The following TDRD9 variants were observed in gnomAD, a reference collection of about 807,000 sequenced individuals.
TDRD9 encodes the protein ATP-dependent RNA helicase TDRD9.
In TDRD9, 124 loss-of-function variants were observed where a neutral mutation model predicts 172.6. The observed-to-expected ratio is 0.72, with a 90% CI of 0.62 to 0.83. The LOEUF (loss-of-function observed/expected upper bound fraction) is 0.83. TDRD9 is among the 40% of genes least tolerant of loss of function. The pLI, the probability that TDRD9 is intolerant of heterozygous loss-of-function variation, is 0.00. For synonymous variants in TDRD9, 619 were observed against 617.1 expected (o/e 1.00, Z -0.05); for missense variants, 1,479 against 1,714.1 (o/e 0.86, Z 2.42).
At chr14:103,929,592 TC>T (rs760599250) in intron 1 of TDRD9, among the ~76,000 whole-genome samples, 15 of 150,530 alleles carry the variant, frequency 1.0e-4, no homozygotes, top group Non-Finnish European at 1.8e-4. Flanking sequence ...CCATCTCGCC[TC>T]ACTGCAATCT....
chr14:103,928,924 GTTTTT>G (rs543255081), intron 1 of TDRD9, 200 bp downstream of exon 1: 13 of 117,726 alleles, frequency 1.1e-4, no homozygotes, highest in Admixed American at 3.0e-4. Context: ...TGAGCTAGAG[GTTTTT>G]TTTTTTTTTT....
intron 7 of TDRD9, among the ~76,000 whole-genome samples, chr14:103,985,596 C>A (rs576291769): frequency 1.4e-4 from 21 of 151,974 alleles, no homozygotes; most frequent in African/African-American, 4.8e-4. Flanking sequence ...TGTTTGGTAG[C>A]GGTGCCTGAG....
intron 28 of TDRD9, among the ~76,000 whole-genome samples, chr14:104,028,410 G>A (rs182159266): frequency 9.9e-5 from 15 of 152,124 alleles, no homozygotes; most frequent in Admixed American, 8.5e-4. Context: ...TATCTCTCAC[G>A]ATGGTTTTGA....
intron 4 of TDRD9, among the ~76,000 whole-genome samples, chr14:103,966,316 G>A (rs953293349): frequency 6.6e-6 from 1 of 152,224 alleles, no homozygotes; most frequent in African/African-American, 2.4e-5. Context: ...GGGTGACAAA[G>A]TGAGACTCTG....
At chr14:103,988,072 A>C (rs953510913) in intron 8 of TDRD9, among the ~76,000 whole-genome samples, 2 of 152,140 alleles carry the variant, frequency 1.3e-5, no homozygotes, top group Admixed American at 6.5e-5. Flanking sequence ...ACTTTTCTGT[A>C]GTTGCTGTTT....
At position 103,941,713 on chromosome 14, in the gene TDRD9, A is replaced by C. The variant is rs2031247927; in HGVS notation, c.215+12989A>C. On this transcript the variant is annotated intron_variant, in intron 1 of 35. Transcript: ENST00000409874. ...AGTGGCATTTTTAGCCTATGGAAAT[A>C]TTTTCACTTGTTTATTTGCTCAAAA... The C allele has an allele frequency of 2.0e-6, 3 of 1,469,794 alleles. No individual in the cohort carries two copies. In the East Asian group the frequency reaches 7.5e-5, roughly 37 times the overall value. The allele number at this position is 1,469,794 out of a possible 1,614,324, so 91.0% of individuals were successfully genotyped here. A position where few individuals can be genotyped will look rare whatever the true frequency, so the allele number is the denominator to read the frequency against.
At chr14:103,944,787 ACTC>A (rs1300716363) in intron 1 of TDRD9, among the ~76,000 whole-genome samples, 3 of 150,234 alleles carry the variant, frequency 2.0e-5, no homozygotes, top group South Asian at 2.1e-4. Context: ...CTGGTCTTGA[ACTC>A]CTGACTTCAA....
intron 25 of TDRD9, 57 bp downstream of exon 25, chr14:104,024,737 A>G (rs1225790474): frequency 4.5e-6 from 4 of 898,350 alleles, no homozygotes; most frequent in Admixed American, 3.9e-5. Flanking sequence ...ATCATGTTGT[A>G]TACAGGAAGT....
chr14:104,050,624 C>T lies in TDRD9; in HGVS notation c.4047+944C>T, dbSNP rs561517103. Among the ~76,000 whole-genome samples, 3 of 152,116 alleles carry T rather than the reference C, an allele frequency of 2.0e-5. No homozygotes were observed. In the South Asian group the frequency reaches 6.2e-4, roughly 32 times the overall value. On this transcript the variant is annotated intron_variant, in intron 35 of 35. Coordinates refer to ENST00000409874, the MANE Select transcript of TDRD9 (RefSeq NM_153046.3). ...TCCCATCCTGCGCCTCAAGGTTGCT[C>T]CTGCTGTGAGGCTCGCCTGCTCCCC...
In TDRD9 at chr14:103,928,517, G is replaced by T; in HGVS notation, c.8G>T (p.Arg3Leu). ML[R>L]KLTIEQINDW... is the part of the protein sequence containing the mutation. Reference sequence around the variant, plus strand: ...GACGCCTGGGCCTTGAGGATGCTGCGGAAGCTCACCATCGAGCAGATCAAC... The same window carrying T: ...GACGCCTGGGCCTTGAGGATGCTGCTGAAGCTCACCATCGAGCAGATCAAC... The change falls in exon 1 of 36, where the codon CGG becomes CTG. Residue 3 changes from arginine (R) to leucine (L), a missense_variant. Physicochemically the swap from Arg to Leu is moderately radical, Grantham distance 102. Coordinates refer to ENST00000409874, the MANE Select transcript of TDRD9 (RefSeq NM_153046.3). 7.0e-7 allele frequency: 1 copy of T among 1,425,218 alleles called. No individual in the cohort carries two copies. The allele number at this position is 1,425,218 out of a possible 1,614,324, so 88.3% of individuals were successfully genotyped here.
At chr14:104,044,550 G>A (rs140284142) in intron 34 of TDRD9, among the ~76,000 whole-genome samples, 362 of 152,102 alleles carry the variant, frequency 2.4e-3, no homozygotes, top group African/African-American at 8.4e-3. Flanking sequence ...TTATATATGT[G>A]GAATCACATT....
chr14:103,960,557 T>C (rs889307835), intron 2 of TDRD9, among the ~76,000 whole-genome samples: 1 of 151,966 alleles, frequency 6.6e-6, no homozygotes, highest in Non-Finnish European at 1.5e-5. Context: ...CGTGATGGAT[T>C]TCCTTCTTAT....
intron 7 of TDRD9, among the ~76,000 whole-genome samples, chr14:103,976,991 G>A (rs1416653106): frequency 1.3e-5 from 2 of 152,058 alleles, no homozygotes; most frequent in Non-Finnish European, 2.9e-5. Context: ...CAAAGTGCTG[G>A]GATTACATGT....
At chr14:103,965,690 A>G in intron 4 of TDRD9, 136 bp downstream of exon 4, 1 of 794,382 alleles carries the variant, frequency 1.3e-6, no homozygotes, top group Non-Finnish European at 2.0e-6. Flanking sequence ...CATGCCTGTA[A>G]TCCCAGCACT....
intron 32 of TDRD9, among the ~76,000 whole-genome samples, chr14:104,038,587 T>G (rs948529351): frequency 6.6e-6 from 1 of 152,184 alleles, no homozygotes; most frequent in African/African-American, 2.4e-5. Flanking sequence ...CTTCCACAAG[T>G]GATCTGTCTG....
chr14:104,032,147 C>A (rs1314987464), intron 30 of TDRD9, 60 bp downstream of exon 30: 5 of 1,009,528 alleles, frequency 5.0e-6, no homozygotes, highest in South Asian at 1.5e-5. Flanking sequence ...TTATAGATCT[C>A]ATCAGAAAAT....
chr14:103,938,537 C>A (rs2030963367), intron 1 of TDRD9, among the ~76,000 whole-genome samples: 1 of 148,960 alleles, frequency 6.7e-6, no homozygotes, highest in African/African-American at 2.5e-5. Flanking sequence ...CTCCCGGGTT[C>A]ATGCCATTCT....
intron 7 of TDRD9, among the ~76,000 whole-genome samples, chr14:103,978,551 C>T (rs752457095): frequency 6.6e-6 from 1 of 152,148 alleles, no homozygotes; most frequent in Non-Finnish European, 1.5e-5. Flanking sequence ...GGTTTGGTCG[C>T]GATGTTTCCT....
chr14:103,983,434 A>T lies in TDRD9; in HGVS notation c.1012-2783A>T, dbSNP rs112683108. 6.8e-3 allele frequency among the ~76,000 whole-genome samples: 1,040 copies of T among 152,238 alleles called. 14 individuals are homozygous for T. The highest frequency in any genetic ancestry group is 0.024 in the African/African-American group (981 of 41,542). The stretch of plus-strand genomic sequence containing the variant: ...TACTCTAAGTAAAAATTGGAAAAAA[A>T]ATTTGCCCCTGTGATTGGCTTCTCT... On this transcript the variant is annotated intron_variant, in intron 7 of 35. Coordinates refer to ENST00000409874, the MANE Select transcript of TDRD9 (RefSeq NM_153046.3).
Sources: allele counts gnomAD v4.1 joint callset (sites outside exome capture counted in the v4.1 genomes callset), GRCh38; gene constraint gnomAD v4.1.1; transcripts MANE v1.5; gene names NCBI Gene and HGNC (gene_info 2026-07-23, HGNC 2026-07-21).